NDUFA8: variants seen among roughly 807,000 people sequenced by gnomAD.
The protein encoded by NDUFA8 is NADH:ubiquinone oxidoreductase subunit A8, also known as NADH dehydrogenase [ubiquinone] 1 alpha subcomplex subunit 8.
NDUFA8 carries 16 observed loss-of-function variants against 20.9 expected under a neutral mutation model. The ratio of observed to expected loss-of-function variants is 0.77; its 90% CI spans 0.52 to 1.16. NDUFA8 has a LOEUF of 1.16. Among genes scored for constraint, NDUFA8 ranks in the 50% most tolerant of loss-of-function variants. NDUFA8 has a pLI of 0.00. For missense variants in NDUFA8, 202 were observed against 216.4 expected, an observed-to-expected ratio of 0.93 and a Z score of 0.42; for synonymous variants, 70 against 76.1, an observed-to-expected ratio of 0.92 and a Z score of 0.41.
chr9:122,134,734 C>T, the NDUFA8 span, among the ~76,000 whole-genome samples: 1 of 152,114 alleles, frequency 6.6e-6, no homozygotes, highest in East Asian at 1.9e-4. Context: ...TGAACCCTTC[C>T]GATCTTTGGG....
intron 3 of NDUFA8, among the ~76,000 whole-genome samples, chr9:122,147,875 C>T (rs1293184862): frequency 6.6e-6 from 1 of 152,180 alleles, no homozygotes; most frequent in Admixed American, 6.5e-5. Context: ...ATTTGCCCAC[C>T]TCGGCCTCCC....
At chr9:122,159,199 A>G (rs2118725274) in intron 1 of NDUFA8, among the ~76,000 whole-genome samples, 1 of 151,618 alleles carries the variant, frequency 6.6e-6, no homozygotes, top group East Asian at 1.9e-4. Context: ...TCGTCACCCC[A>G]CTCTATGCAC....
At chr9:122,155,371 G>A (rs1049927917) in intron 1 of NDUFA8, among the ~76,000 whole-genome samples, 5 of 152,198 alleles carry the variant, frequency 3.3e-5, no homozygotes, top group African/African-American at 7.2e-5. Flanking sequence ...GGGCCACCAC[G>A]CCCAGCTGTA....
At chr9:122,149,947 ACT>A (rs1828966580) in intron 2 of NDUFA8, among the ~76,000 whole-genome samples, 1 of 151,794 alleles carries the variant, frequency 6.6e-6, no homozygotes, top group Non-Finnish European at 1.5e-5. Context: ...ACAGAGTGAG[ACT>A]CTGTCTCAAA....
intron 3 of NDUFA8, among the ~76,000 whole-genome samples, chr9:122,146,371 A>C (rs1009316879): frequency 1.3e-5 from 2 of 152,232 alleles, no homozygotes; most frequent in African/African-American, 2.4e-5. Flanking sequence ...TCTTACTAGC[A>C]TGACTTGTTA....
At chr9:122,150,046 T>C (rs1254686601) in intron 2 of NDUFA8, among the ~76,000 whole-genome samples, 1 of 151,950 alleles carries the variant, frequency 6.6e-6, no homozygotes, top group African/African-American at 2.4e-5. Flanking sequence ...CATCCAAAAA[T>C]ATTTGCACCT....
chr9:122,153,635 C>G (rs575906576), intron 1 of NDUFA8, among the ~76,000 whole-genome samples: 1 of 152,234 alleles, frequency 6.6e-6, no homozygotes, highest in Non-Finnish European at 1.5e-5. Context: ...CCTGTGGTCC[C>G]TTTTCTGTAC....
intron 3 of NDUFA8, among the ~76,000 whole-genome samples, chr9:122,147,707 A>C (rs1452971046): frequency 6.9e-6 from 1 of 145,890 alleles, no homozygotes; most frequent in Non-Finnish European, 1.5e-5. Context: ...ATTCACTGCA[A>C]GCTCCACCTC....
chr9:122,149,851 G>A (rs1269111785), intron 2 of NDUFA8, among the ~76,000 whole-genome samples: 2 of 152,094 alleles, frequency 1.3e-5, no homozygotes, highest in African/African-American at 2.4e-5. Context: ...CAGCTACTCA[G>A]GTGGCTGAGG....
intron 1 of NDUFA8, among the ~76,000 whole-genome samples, chr9:122,152,744 T>C (rs1430835040): frequency 6.6e-6 from 1 of 152,088 alleles, no homozygotes; most frequent in African/African-American, 2.4e-5. Context: ...TATGGTGATT[T>C]AGAGAACGCA....
chr9:122,144,214 G>A lies in NDUFA8; in HGVS notation c.*27C>T, dbSNP rs750151621. The A allele has an allele frequency of 6.8e-6, 11 of 1,612,896 alleles. No homozygotes were observed. Among genetic ancestry groups the A allele is most frequent in the Middle Eastern group, 1.9e-4 (1 of 5,160 alleles). On this transcript the variant is annotated 3_prime_UTR_variant, in exon 4 of 4. Transcript: ENST00000373768. ...TTCATCAGTCGTTGTCTGAGCACAT[G>A]ACCGAGTGTGGGCCACGGACCCATC...
chr9:122,145,976 C>T (rs1435011841), intron 3 of NDUFA8, among the ~76,000 whole-genome samples: 1 of 151,432 alleles, frequency 6.6e-6, no homozygotes, highest in African/African-American at 2.4e-5. Context: ...TGGTGAAACC[C>T]CTTCTCTACT....
chr9:122,159,475 G>T, intron 1 of NDUFA8, 152 bp downstream of exon 1: 1 of 886,782 alleles, frequency 1.1e-6, no homozygotes. Flanking sequence ...CAAAGCTGCG[G>T]AGGGGACCTC....
At chr9:122,132,905 T>C in the NDUFA8 span, 1 of 456,022 alleles carries the variant, frequency 2.2e-6, no homozygotes, top group Non-Finnish European at 4.4e-6. Context: ...CCACCAGGGC[T>C]TGAGTTTCTT....
intron 1 of NDUFA8, among the ~76,000 whole-genome samples, chr9:122,154,238 G>A (rs1441455580): frequency 6.6e-6 from 1 of 152,210 alleles, no homozygotes; most frequent in African/African-American, 2.4e-5. Context: ...CCAAAATAGT[G>A]TCTAGCACAA....
At chr9:122,138,456 AG>A in the NDUFA8 span, among the ~76,000 whole-genome samples, 2 of 152,162 alleles carry the variant, frequency 1.3e-5, no homozygotes, top group African/African-American at 4.8e-5. Flanking sequence ...AAAAGCAAAA[AG>A]CTTGCAAGTC....
In NDUFA8 at chr9:122,152,493, G is replaced by C. The variant is rs531450741; in HGVS notation, c.52-85C>G. 16 of 1,312,930 alleles carry C rather than the reference G, an allele frequency of 1.2e-5. No homozygotes were observed. The African/African-American group carries it at 1.3e-4, about 11-fold the overall frequency. 81.3% of individuals were successfully genotyped at this position (1,312,930 alleles called of 1,614,324 possible). ...GCTTTACCTCATGCGGGTCAGAATA[G>C]AGAACACAAAAGTAGCACTGTTCTG... On this transcript the variant is annotated intron_variant, in intron 1 of 3. Transcript: ENST00000373768.
downstream of NDUFA8, among the ~76,000 whole-genome samples, chr9:122,142,935 G>T (rs1478746455): frequency 6.6e-6 from 1 of 152,206 alleles, no homozygotes; most frequent in East Asian, 1.9e-4. Context: ...GCAAAAAAAA[G>T]TCTTATTTTT....
At chr9:122,152,127 G>C (rs1829008802) in intron 2 of NDUFA8, 118 bp downstream of exon 2, 1 of 1,150,820 alleles carries the variant, frequency 8.7e-7, no homozygotes, top group African/African-American at 1.5e-5. Context: ...TTTTACCTTG[G>C]TCTGATTTCA....
Sources: gnomAD v4.1 joint callset for allele counts (sites outside exome capture counted in the v4.1 genomes callset) on GRCh38, gnomAD v4.1.1 for gene constraint, MANE v1.5 for transcripts, NCBI Gene and HGNC (gene_info 2026-07-23, HGNC 2026-07-21) for gene names.